The following XRN1 variants were observed in gnomAD, a reference collection of about 807,000 sequenced individuals.
The protein encoded by XRN1 is 5'-3' exoribonuclease 1, also known as strand-exchange protein 1 homolog.
XRN1 carries 67 observed loss-of-function variants against 222.3 expected under a neutral mutation model. The observed-to-expected ratio is 0.30, with a 90% CI of 0.25 to 0.37. The LOEUF is 0.37. XRN1 is among the 10% of genes least tolerant of loss of function. XRN1 has a pLI of 1.00. For missense variants in XRN1, 1,707 were observed against 2,000.2 expected (o/e 0.85, Z 2.80); for synonymous variants, 643 against 652.4 (o/e 0.99, Z 0.22).
At chr3:142,420,234 T>C (rs945914125) in intron 10 of XRN1, 1 of 152,134 alleles carries the variant, frequency 6.6e-6, no homozygotes, top group Non-Finnish European at 1.5e-5. Flanking sequence ...AGTCCTCCAC[T>C]ACCATAAGTC....
Position 142,365,109 on chromosome 3 carries a change from T to C in XRN1, c.3332A>G (p.Asn1111Ser), listed in dbSNP as rs546102109. The change falls in exon 29 of 41, where the codon AAT becomes AGT. Residue 1111 changes from asparagine to serine, a missense_variant. By Grantham distance (46) the Asn-to-Ser change is conservative. Transcript: ENST00000392981. ...TGGAACTGAGAAGTTTTCTCTCACATTTACAACACGGTCAAAAAGACAAAA... is the reference window on the plus strand; with the variant it reads ...TGGAACTGAGAAGTTTTCTCTCACACTTACAACACGGTCAAAAAGACAAAA... ...AEFCLFDRVVNVRENFSVPVG... is the reference protein window; with the variant it reads ...AEFCLFDRVVSVRENFSVPVG... 7.4e-6 allele frequency: 12 copies of C among 1,613,388 alleles called. No homozygotes were observed. In the East Asian group the frequency reaches 8.9e-5, roughly 12 times the overall value.
intron 15 of XRN1, among the ~76,000 whole-genome samples, chr3:142,410,843 A>G (rs925936810): frequency 1.3e-5 from 2 of 152,104 alleles, no homozygotes; most frequent in Non-Finnish European, 1.5e-5. Flanking sequence ...GAGGAGTATC[A>G]GTCAGTAATT....
At chr3:142,347,458 T>C (rs1209970483) in intron 32 of XRN1, 116 bp from the exon 33 acceptor site, 1 of 658,102 alleles carries the variant, frequency 1.5e-6, no homozygotes, top group East Asian at 3.2e-5. Context: ...AGAAAAAAAC[T>C]TAATACAGAA....
chr3:142,419,927 C>T (rs2068940801), intron 10 of XRN1, among the ~76,000 whole-genome samples: 1 of 152,084 alleles, frequency 6.6e-6, no homozygotes, highest in Non-Finnish European at 1.5e-5. Context: ...ATCAGAGATG[C>T]TCTGCAGGGT....
intron 37 of XRN1, among the ~76,000 whole-genome samples, chr3:142,327,638 G>A (rs1276922916): frequency 6.6e-6 from 1 of 150,662 alleles, no homozygotes; most frequent in East Asian, 2.0e-4. Flanking sequence ...TAATAATTTT[G>A]GGTTTGGTTT....
At chr3:142,416,150 A>G (rs2068778031) in intron 13 of XRN1, among the ~76,000 whole-genome samples, 1 of 151,622 alleles carries the variant, frequency 6.6e-6, no homozygotes, top group African/African-American at 2.4e-5. Context: ...AAGTAAGCCC[A>G]TTTTTCAATG....
chr3:142,347,474 TAG>T (rs1328889161), intron 32 of XRN1, 132 bp from the exon 33 acceptor site: 7 of 553,040 alleles, frequency 1.3e-5, no homozygotes, highest in Non-Finnish European at 2.0e-5. Flanking sequence ...CAGAAAAGTA[TAG>T]AGACTTTTAA....
At position 142,370,532 on chromosome 3, in the gene XRN1, C is replaced by G. The variant is rs751428727; in HGVS notation, c.3157G>C (p.Asp1053His). Residue 1053 changes from aspartate to histidine, a missense_variant, in exon 27 of 41, where the codon GAT (aspartate) becomes CAT (histidine). This residue lies in a region of XRN1 where 1,234 missense variants were observed against 1,518.2 expected (regional missense o/e 0.81). Coordinates refer to ENST00000392981, the MANE Select transcript of XRN1 (RefSeq NM_001282857.2). ...SRSSCDLQIL[D>H]AAIVEKIEEE... is the part of the protein sequence containing the mutation. ...TCAATTTTCTCAACAATAGCTGCATCCAGAATTTGTAAATCACAAGAAGAA... is the reference window on the plus strand; with the variant it reads ...TCAATTTTCTCAACAATAGCTGCATGCAGAATTTGTAAATCACAAGAAGAA... 6 of 1,607,108 alleles carry G rather than the reference C, an allele frequency of 3.7e-6. No homozygotes were observed. Among genetic ancestry groups the G allele is most frequent in the Non-Finnish European group, 5.1e-6 (6 of 1,177,562 alleles).
intron 27 of XRN1, among the ~76,000 whole-genome samples, chr3:142,369,439 A>G (rs7646701): frequency 0.64 from 96,442 of 150,822 alleles, 32,647 homozygotes; most frequent in African/African-American, 0.89. Context: ...CTGAGGTCAG[A>G]AGTTCAAGAC....
intron 32 of XRN1, among the ~76,000 whole-genome samples, chr3:142,350,694 G>A (rs1269196984): frequency 6.6e-6 from 1 of 152,110 alleles, no homozygotes; most frequent in Non-Finnish European, 1.5e-5. Context: ...GTGAGAAATG[G>A]TCCAATTCTA....
chr3:142,383,312 G>A lies in XRN1; in HGVS notation c.2604C>T (p.Gly868=). Residue 868 remains glycine (G), a synonymous_variant, in exon 22 of 41, where the codon GGC becomes GGT. Coordinates refer to ENST00000392981, the MANE Select transcript of XRN1 (RefSeq NM_001282857.2). ...MVFMLGTPYY[G]CTGEVQDSGD... ...AATGGAAACTAACTTCTCCAGTGCA[G>A]CCATAATAGGGAGTTCCCAGCATAA... 6.2e-7 allele frequency: 1 copy of A among 1,612,430 alleles called. No homozygotes were observed. The highest frequency in any genetic ancestry group is 8.5e-7 in the Non-Finnish European group (1 of 1,179,132).
intron 37 of XRN1, among the ~76,000 whole-genome samples, chr3:142,325,154 A>T (rs529662402): frequency 1.3e-5 from 2 of 152,326 alleles, no homozygotes; most frequent in South Asian, 4.1e-4. Context: ...TATGTCCTTC[A>T]TAGTGGCTGT....
chr3:142,446,035 T>A lies in XRN1; in HGVS notation c.75+1835A>T, dbSNP rs932574481. Among the ~76,000 whole-genome samples, 4 of 152,226 alleles carry A rather than the reference T, an allele frequency of 2.6e-5. No individual in the cohort carries two copies. In the East Asian group the frequency reaches 7.7e-4, roughly 29 times the overall value. On this transcript the variant is annotated intron_variant, in intron 1 of 40. Coordinates refer to ENST00000392981, the MANE Select transcript of XRN1 (RefSeq NM_001282857.2). ...ACTATTGATAGTTTGCCTCACCTAG[T>A]TATGTTTTGAGTTTCATGGGGATAG...
intron 18 of XRN1, among the ~76,000 whole-genome samples, chr3:142,402,811 T>G (rs1212133310): frequency 2.6e-5 from 4 of 152,210 alleles, no homozygotes; most frequent in Admixed American, 6.5e-5. Flanking sequence ...TTTTTTTTAG[T>G]TAATTAGCCT....
At chr3:142,394,716 TC>T (rs1179042470) in intron 20 of XRN1, among the ~76,000 whole-genome samples, 1 of 152,222 alleles carries the variant, frequency 6.6e-6, no homozygotes, top group Non-Finnish European at 1.5e-5. Context: ...TTGTTTTCTC[TC>T]TGCTCCTTCT....
intron 34 of XRN1, among the ~76,000 whole-genome samples, chr3:142,334,053 T>A (rs1398774743): frequency 6.6e-6 from 1 of 152,218 alleles, no homozygotes; most frequent in Non-Finnish European, 1.5e-5. Flanking sequence ...GTGATTCTAA[T>A]TGTATATCAG....
chr3:142,323,927 C>A (rs2065437056), intron 37 of XRN1, among the ~76,000 whole-genome samples: 1 of 151,488 alleles, frequency 6.6e-6, no homozygotes, highest in Non-Finnish European at 1.5e-5. Flanking sequence ...TTATGGGGTA[C>A]ATGTGATATT....
At chr3:142,400,331 G>C (rs529130450) in intron 19 of XRN1, 113 bp downstream of exon 19, 1 of 780,598 alleles carries the variant, frequency 1.3e-6, no homozygotes, top group Non-Finnish European at 2.0e-6. Flanking sequence ...TTTTGGTACA[G>C]AGTGTAAATG....
At position 142,432,816 on chromosome 3, in the gene XRN1, A is replaced by C; in HGVS notation, c.153T>G (p.Val51=). 6.2e-7 allele frequency: 1 copy of C among 1,614,040 alleles called. No individual in the cohort carries two copies. The highest frequency in any genetic ancestry group is 8.5e-7 in the Non-Finnish European group (1 of 1,180,012). Residue 51 remains valine, a synonymous_variant, in exon 2 of 41, where the codon GTT becomes GTG. Transcript: ENST00000392981. ...TTTTATCATCTGAAATTCTAAAGTG[A>C]ACATCATCATCATTAGGATGGGAGC... ...HQCSHPNDDD[V]HFRISDDKIF...
Sources: gnomAD v4.1 joint callset for allele counts (sites outside exome capture counted in the v4.1 genomes callset) on GRCh38, gnomAD v4.1.1 for gene constraint, gnomAD v4.1.1 regional missense constraint, MANE v1.5 for transcripts, NCBI Gene and HGNC (gene_info 2026-07-23, HGNC 2026-07-21) for gene names.